SUGCT: variants seen among roughly 807,000 people sequenced by gnomAD.
The protein encoded by SUGCT is succinyl-CoA:glutarate CoA-transferase.
A neutral mutation model predicts 55.0 loss-of-function variants in SUGCT; 41 were observed. The ratio of observed to expected loss-of-function variants is 0.74; its 90% CI spans 0.58 to 0.97. SUGCT has a LOEUF of 0.97. Ranked by LOEUF, SUGCT falls within the 50% of genes least tolerant of loss-of-function variation. The pLI is 0.00. For missense variants in SUGCT, 568 were observed against 547.8 expected, an observed-to-expected ratio of 1.04 and a Z score of -0.37; for synonymous variants, 187 against 200.4, an observed-to-expected ratio of 0.93 and a Z score of 0.56.
intron 9 of SUGCT, among the ~76,000 whole-genome samples, chr7:40,407,404 A>G (rs1487742453): frequency 9.2e-5 from 14 of 152,078 alleles, no homozygotes; most frequent in Admixed American, 9.2e-4. Context: ...TAATGTAAAT[A>G]TTCAATTATT....
chr7:40,183,540 G>A (rs1785336049), intron 3 of SUGCT, among the ~76,000 whole-genome samples: 1 of 152,070 alleles, frequency 6.6e-6, no homozygotes, highest in African/African-American at 2.4e-5. Flanking sequence ...TGTAGAGACA[G>A]GGTCTTGCTA....
chr7:40,877,841 T>C, the SUGCT span, among the ~76,000 whole-genome samples: 1 of 152,244 alleles, frequency 6.6e-6, no homozygotes, highest in Non-Finnish European at 1.5e-5. Flanking sequence ...CACATGTGCA[T>C]GTCACATATT....
At chr7:40,162,493 G>T (rs1251115471) in intron 1 of SUGCT, among the ~76,000 whole-genome samples, 2 of 151,704 alleles carry the variant, frequency 1.3e-5, no homozygotes, top group African/African-American at 4.8e-5. Flanking sequence ...TTCCTTTTTT[G>T]TTAGACAGGG....
At chr7:40,720,127 C>T (rs976507814) in intron 12 of SUGCT, among the ~76,000 whole-genome samples, 3 of 152,148 alleles carry the variant, frequency 2.0e-5, no homozygotes, top group African/African-American at 7.2e-5. Context: ...AACCTAGATT[C>T]TAGTCCCCCC....
intron 13 of SUGCT, among the ~76,000 whole-genome samples, chr7:40,798,849 T>G (rs1790676864): frequency 6.6e-6 from 1 of 152,206 alleles, no homozygotes; most frequent in South Asian, 2.1e-4. Flanking sequence ...TTTTTTTCTT[T>G]CTTTTTTATA....
At chr7:40,340,829 GA>G (rs35261795) in intron 9 of SUGCT, among the ~76,000 whole-genome samples, 1 of 151,860 alleles carries the variant, frequency 6.6e-6, no homozygotes, top group Non-Finnish European at 1.5e-5. Context: ...TGCTCACGGG[GA>G]AAAAAGGAGA....
intron 11 of SUGCT, among the ~76,000 whole-genome samples, chr7:40,460,096 G>A (rs1222483613): frequency 1.3e-5 from 2 of 152,136 alleles, no homozygotes; most frequent in African/African-American, 4.8e-5. Flanking sequence ...ATACATCAAA[G>A]TTATAAGAAC....
At chr7:40,756,944 G>A (rs1788282323) in intron 13 of SUGCT, among the ~76,000 whole-genome samples, 1 of 152,190 alleles carries the variant, frequency 6.6e-6, no homozygotes, top group African/African-American at 2.4e-5. Flanking sequence ...CAAAATGAGA[G>A]AAAGTTGGCA....
chr7:40,628,358 A>G (rs1327599390), intron 12 of SUGCT, among the ~76,000 whole-genome samples: 1 of 152,202 alleles, frequency 6.6e-6, no homozygotes, highest in African/African-American at 2.4e-5. Flanking sequence ...GTGATTTGTC[A>G]AATGTCTCCC....
chr7:40,884,077 A>T, the SUGCT span, among the ~76,000 whole-genome samples: 1 of 152,158 alleles, frequency 6.6e-6, no homozygotes, highest in Non-Finnish European at 1.5e-5. Context: ...CTGTCAAGGA[A>T]TCTCCACCCT....
At chr7:40,191,588 C>T (rs1785913647) in intron 5 of SUGCT, among the ~76,000 whole-genome samples, 1 of 152,090 alleles carries the variant, frequency 6.6e-6, no homozygotes, top group Non-Finnish European at 1.5e-5. Context: ...TTCTGTTTTT[C>T]TTTTGAAACT....
At chr7:40,711,445 T>G (rs183959148) in intron 12 of SUGCT, among the ~76,000 whole-genome samples, 37 of 151,048 alleles carry the variant, frequency 2.4e-4, no homozygotes, top group Non-Finnish European at 4.7e-4. Context: ...GAGGTTGCAG[T>G]GAGCCGAGAT....
At chr7:40,694,630 A>G (rs1784844031) in intron 12 of SUGCT, among the ~76,000 whole-genome samples, 1 of 152,214 alleles carries the variant, frequency 6.6e-6, no homozygotes, top group African/African-American at 2.4e-5. Flanking sequence ...TTGTTAGTGA[A>G]CAATTTCTAC....
At chr7:40,937,332 C>A in the SUGCT span, among the ~76,000 whole-genome samples, 8 of 152,086 alleles carry the variant, frequency 5.3e-5, no homozygotes, top group African/African-American at 1.9e-4. Context: ...CTATGCCCAG[C>A]AAATTTTTTT....
the SUGCT span, among the ~76,000 whole-genome samples, chr7:41,033,513 T>G: frequency 6.6e-6 from 1 of 152,182 alleles, no homozygotes; most frequent in African/African-American, 2.4e-5. Flanking sequence ...AATGGTGTCT[T>G]GAAATTTCCA....
chr7:40,775,462 T>C (rs1197912927), intron 13 of SUGCT: 5 of 152,248 alleles, frequency 3.3e-5, no homozygotes, highest in African/African-American at 1.2e-4. Context: ...ATAATTAATA[T>C]GCATTGAGTG....
At chr7:40,854,400 TTTC>T (rs1480420965) in intron 13 of SUGCT, among the ~76,000 whole-genome samples, 178 of 93,102 alleles carry the variant, frequency 1.9e-3, no homozygotes, top group Middle Eastern at 0.011. Flanking sequence ...AATTTTTTTC[TTTC>T]TTTCTTTCTT....
intron 12 of SUGCT, among the ~76,000 whole-genome samples, chr7:40,547,215 A>G (rs1795038833): frequency 6.6e-6 from 1 of 152,106 alleles, no homozygotes; most frequent in Non-Finnish European, 1.5e-5. Context: ...GAGGCAAGCA[A>G]AGTTCCCTCG....
intron 8 of SUGCT, among the ~76,000 whole-genome samples, chr7:40,291,208 G>T (rs1313309067): frequency 6.6e-6 from 1 of 151,968 alleles, no homozygotes; most frequent in Non-Finnish European, 1.5e-5. Flanking sequence ...ATGCACACGT[G>T]TGTTTATTGC....
Sources: gnomAD v4.1 joint callset for allele counts (sites outside exome capture counted in the v4.1 genomes callset) on GRCh38, gnomAD v4.1.1 for gene constraint, MANE v1.5 for transcripts, NCBI Gene and HGNC (gene_info 2026-07-23, HGNC 2026-07-21) for gene names.